TSPAN7: variants seen among roughly 807,000 people sequenced by gnomAD.
TSPAN7 encodes the protein tetraspanin 7, also known as tetraspanin-7.
TSPAN7 carries 1 observed loss-of-function variant against 17.6 expected under a neutral mutation model. The ratio of observed to expected loss-of-function variants is 0.06; its 90% CI spans 0.02 to 0.27. TSPAN7 has a LOEUF of 0.27. Among genes scored for constraint, TSPAN7 ranks in the 10% least tolerant of loss-of-function variants. TSPAN7 has a pLI of 1.00. For missense variants in TSPAN7, 112 were observed against 201.7 expected, an observed-to-expected ratio of 0.56 and a Z score of 2.69; for synonymous variants, 78 against 79.0, an observed-to-expected ratio of 0.99 and a Z score of 0.07.
At chrX:38,638,035 GAA>G (rs201317029) in intron 1 of TSPAN7, among the ~76,000 whole-genome samples, 1,875 of 110,573 alleles carry the variant, frequency 0.017, 33 homozygotes, top group African/African-American at 0.056. Context: ...GCCTATTAAT[GAA>G]AGTGTTAAGG....
At chrX:38,627,413 A>G (rs1176377533) in intron 1 of TSPAN7, among the ~76,000 whole-genome samples, 2 of 112,281 alleles carry the variant, frequency 1.8e-5, no homozygotes, top group Non-Finnish European at 3.8e-5. Flanking sequence ...GTTTCTGCAT[A>G]TGTAAATGGA....
intron 1 of TSPAN7, among the ~76,000 whole-genome samples, chrX:38,650,472 CTGTGAG>C (rs138881754): frequency 0.087 from 9,753 of 111,848 alleles, 370 homozygotes; most frequent in East Asian, 0.24. Flanking sequence ...CAGCCCTTGG[CTGTGAG>C]TGAAGACATG....
chrX:38,568,998 A>T (rs541560386), intron 1 of TSPAN7, among the ~76,000 whole-genome samples: 39 of 111,164 alleles, frequency 3.5e-4, no homozygotes, highest in African/African-American at 1.2e-3. Context: ...CTCTCTGAAA[A>T]TATTAGTAAT....
At chrX:38,603,882 A>G (rs1205846681) in intron 1 of TSPAN7, among the ~76,000 whole-genome samples, 2 of 102,717 alleles carry the variant, frequency 1.9e-5, no homozygotes, top group Non-Finnish European at 4.0e-5. Flanking sequence ...TTATTTTATT[A>G]TTATTATACT....
intron 6 of TSPAN7, 63 bp from the exon 7 acceptor site, chrX:38,687,532 TTAAA>T: frequency 1.0e-6 from 1 of 969,950 alleles, no homozygotes; most frequent in Non-Finnish European, 1.4e-6. Context: ...AAATTATTAA[TTAAA>T]TATTAAAAGG....
chrX:38,583,082 T>G, intron 1 of TSPAN7, among the ~76,000 whole-genome samples: 1 of 112,360 alleles, frequency 8.9e-6, no homozygotes, highest in East Asian at 2.8e-4. Context: ...AACAATCTCA[T>G]AAAGCCAGTG....
intron 1 of TSPAN7, among the ~76,000 whole-genome samples, chrX:38,566,809 G>A (rs1378380498): frequency 8.9e-6 from 1 of 111,741 alleles, no homozygotes; most frequent in Admixed American, 9.5e-5. Context: ...GCAAAGAAAT[G>A]TAATAAATAT....
intron 5 of TSPAN7, among the ~76,000 whole-genome samples, chrX:38,677,974 T>C (rs991504659): frequency 1.8e-5 from 2 of 112,398 alleles, no homozygotes; most frequent in African/African-American, 3.2e-5. Context: ...GTAGATCCTG[T>C]GGTGTCTTGG....
chrX:38,595,716 C>G (rs1157125123), intron 1 of TSPAN7, among the ~76,000 whole-genome samples: 1 of 111,880 alleles, frequency 8.9e-6, no homozygotes, highest in Non-Finnish European at 1.9e-5. Flanking sequence ...TGTTTGGTTT[C>G]AAATGGAACT....
intron 1 of TSPAN7, among the ~76,000 whole-genome samples, chrX:38,599,338 T>G (rs1280252705): frequency 1.8e-5 from 2 of 111,118 alleles, no homozygotes; most frequent in Admixed American, 9.6e-5. Context: ...ATTAATAGGA[T>G]TTATCTAATT....
chrX:38,588,112 G>A (rs949016552), intron 1 of TSPAN7, among the ~76,000 whole-genome samples: 2 of 110,816 alleles, frequency 1.8e-5, no homozygotes, highest in African/African-American at 6.6e-5. Context: ...TATCTGCTTG[G>A]CAGGTGTTTT....
At chrX:38,584,590 A>T (rs1167571121) in intron 1 of TSPAN7, among the ~76,000 whole-genome samples, 2 of 112,294 alleles carry the variant, frequency 1.8e-5, no homozygotes, top group African/African-American at 3.2e-5. Flanking sequence ...GTGGACTTGC[A>T]TATGTATAAA....
chrX:38,567,092 A>ATTT (rs71991328), intron 1 of TSPAN7, among the ~76,000 whole-genome samples: 14 of 106,465 alleles, frequency 1.3e-4, no homozygotes, highest in East Asian at 8.8e-4. Flanking sequence ...ATTTAAAACA[A>ATTT]TTTTTTTTTT....
intron 1 of TSPAN7, among the ~76,000 whole-genome samples, chrX:38,578,070 CTT>C (rs2069206548): frequency 9.0e-6 from 1 of 110,858 alleles, no homozygotes; most frequent in African/African-American, 3.3e-5. Context: ...CTTAAACCCC[CTT>C]GGCTAACCAA....
intron 1 of TSPAN7, among the ~76,000 whole-genome samples, chrX:38,618,089 C>T (rs2069466271): frequency 9.0e-6 from 1 of 111,646 alleles, no homozygotes; most frequent in African/African-American, 3.3e-5. Context: ...TGGAGAGAAT[C>T]AGGCCATCAC....
intron 1 of TSPAN7, among the ~76,000 whole-genome samples, chrX:38,659,001 T>TACACACAC (rs71903430): frequency 1.0e-5 from 1 of 96,162 alleles, no homozygotes; most frequent in African/African-American, 3.9e-5. Context: ...TTATCTTCCA[T>TACACACAC]ACACACACAC....
intron 1 of TSPAN7, among the ~76,000 whole-genome samples, chrX:38,569,914 G>A (rs1569301119): frequency 8.9e-6 from 1 of 111,796 alleles, no homozygotes; most frequent in African/African-American, 3.3e-5. Context: ...AACAGCAATA[G>A]TCGGGCTATT....
At chrX:38,671,076 T>C (rs768137145) in intron 2 of TSPAN7, among the ~76,000 whole-genome samples, 1 of 111,694 alleles carries the variant, frequency 9.0e-6, no homozygotes, top group South Asian at 3.8e-4. Flanking sequence ...GATACCTTAG[T>C]TGTGAAAGTT....
rs758034641 is a variant in TSPAN7, at chrX:38,561,639, C to G, written c.81+12C>G. The G allele has an allele frequency of 4.4e-5, 53 of 1,192,689 alleles. No individual in the cohort carries two copies. In the Admixed American group the frequency reaches 7.5e-4, roughly 17 times the overall value. Reference sequence around the variant, plus strand: ...CCTTCGTCTTCTGGGTAAGTGCCCACGCCGGGCCGGTGGCCGAGTCGCTGT... The same window carrying G: ...CCTTCGTCTTCTGGGTAAGTGCCCAGGCCGGGCCGGTGGCCGAGTCGCTGT... On this transcript the variant is annotated intron_variant, in intron 1 of 7. Transcript: ENST00000378482.
Sources: gnomAD v4.1 joint callset for allele counts (sites outside exome capture counted in the v4.1 genomes callset) on GRCh38, gnomAD v4.1.1 for gene constraint, MANE v1.5 for transcripts, NCBI Gene and HGNC (gene_info 2026-07-23, HGNC 2026-07-21) for gene names.